CSMD1: variants seen among roughly 807,000 people sequenced by gnomAD.
CSMD1 encodes CUB and Sushi multiple domains 1, also known as CUB and sushi domain-containing protein 1.
A neutral mutation model predicts 417.5 loss-of-function variants in CSMD1; 213 were observed. That is an observed-to-expected ratio of 0.51 (90% CI 0.46 to 0.57). The LOEUF (loss-of-function observed/expected upper bound fraction) is 0.57, where lower values mean the gene tolerates loss of function less well. Among genes scored for constraint, CSMD1 ranks in the 20% least tolerant of loss-of-function variants. The pLI, the probability that CSMD1 is intolerant of heterozygous loss-of-function variation, is 0.00. For synonymous variants in CSMD1, 2,862 were observed against 1,736.8 expected, an observed-to-expected ratio of 1.65 and a Z score of -16.11; for missense variants, 6,923 against 4,529.7, an observed-to-expected ratio of 1.53 and a Z score of -15.17.
intron 37 of CSMD1, among the ~76,000 whole-genome samples, chr8:3,167,168 G>C (rs13279354): frequency 0.32 from 48,586 of 151,602 alleles, 9,307 homozygotes; most frequent in African/African-American, 0.55. Flanking sequence ...GCCTGTAATC[G>C]CAGGTACTTG....
At chr8:3,589,022 C>A (rs1456212626) in intron 8 of CSMD1, among the ~76,000 whole-genome samples, 2 of 152,066 alleles carry the variant, frequency 1.3e-5, no homozygotes, top group African/African-American at 4.8e-5. Context: ...ATTAAAACCA[C>A]AGTGAGATAT....
At chr8:3,704,957 T>C (rs1282658001) in intron 7 of CSMD1, 1 of 152,246 alleles carries the variant, frequency 6.6e-6, no homozygotes, top group African/African-American at 2.4e-5. Flanking sequence ...GTGTTTGTTT[T>C]TACTTTTATT....
At chr8:4,492,199 C>T (rs1301937388) in intron 2 of CSMD1, among the ~76,000 whole-genome samples, 4 of 152,164 alleles carry the variant, frequency 2.6e-5, no homozygotes, top group Non-Finnish European at 5.9e-5. Context: ...AAGGGATCTG[C>T]CCACCTCAGC....
At chr8:4,909,400 T>A (rs890611797) in intron 1 of CSMD1, among the ~76,000 whole-genome samples, 8 of 152,124 alleles carry the variant, frequency 5.3e-5, no homozygotes, top group Non-Finnish European at 8.8e-5. Flanking sequence ...TGACACCCAC[T>A]AAGTATGAAT....
chr8:3,209,571 G>C (rs192571501), intron 30 of CSMD1, among the ~76,000 whole-genome samples: 3 of 151,916 alleles, frequency 2.0e-5, no homozygotes, highest in Non-Finnish European at 4.4e-5. Flanking sequence ...CGCCTGCCTC[G>C]GCCTCCCAAA....
chr8:4,666,134 T>A (rs1056214699), intron 1 of CSMD1, among the ~76,000 whole-genome samples: 35 of 152,258 alleles, frequency 2.3e-4, no homozygotes, highest in African/African-American at 8.4e-4. Flanking sequence ...TCTTCTGATG[T>A]GCCTGTCATA....
intron 51 of CSMD1, among the ~76,000 whole-genome samples, chr8:3,027,099 G>A (rs1428759086): frequency 1.3e-5 from 2 of 151,992 alleles, no homozygotes; most frequent in African/African-American, 2.4e-5. Flanking sequence ...CCCTGTATTA[G>A]TACAATTTAA....
intron 50 of CSMD1, among the ~76,000 whole-genome samples, chr8:3,035,119 A>ACTC (rs1810587156): frequency 3.3e-5 from 5 of 152,092 alleles, no homozygotes; most frequent in Non-Finnish European, 5.9e-5. Flanking sequence ...TTTAAAGAAA[A>ACTC]CACTTGGTTC....
chr8:3,723,451 T>C (rs930316609), intron 6 of CSMD1, among the ~76,000 whole-genome samples: 9 of 152,146 alleles, frequency 5.9e-5, no homozygotes, highest in Non-Finnish European at 1.2e-4. Context: ...AGAGCATAGA[T>C]CATGGGAAAC....
rs117703777 is a variant in CSMD1, at chr8:4,738,516, A to G, written c.86-100958T>C. ...TGGGGAAAATCACCTCCATGATTCA[A>G]TGACATCCACCTGGCCACTCCCATA... On this transcript the variant is annotated intron_variant, in intron 1 of 69. Transcript: ENST00000635120. 2.1e-3 allele frequency among the ~76,000 whole-genome samples: 318 copies of G among 152,246 alleles called. 2 individuals are homozygous for G. Among genetic ancestry groups the G allele is most frequent in the East Asian group, 0.018 (95 of 5,176 alleles).
At chr8:3,765,905 A>T (rs995458437) in intron 5 of CSMD1, among the ~76,000 whole-genome samples, 5 of 152,250 alleles carry the variant, frequency 3.3e-5, no homozygotes, top group African/African-American at 9.6e-5. Flanking sequence ...AGTCCATCTC[A>T]AACATGACAG....
chr8:4,683,037 T>C (rs1806147559), intron 1 of CSMD1, among the ~76,000 whole-genome samples: 1 of 148,134 alleles, frequency 6.8e-6, no homozygotes. Flanking sequence ...TCTTGTGAAA[T>C]ATAAGTATTA....
rs73499643 is a variant in CSMD1 at position 3,478,982 on chromosome 8, C to T, written c.1449-10158G>A. Among the ~76,000 whole-genome samples, 1,059 of 152,098 alleles carry T rather than the reference C, an allele frequency of 7.0e-3. 14 individuals carry two copies. The highest frequency in any genetic ancestry group is 0.025 in the African/African-American group (1,019 of 41,498). ...CTGCAAAGAGTGGTCCCTCCGACCTCCCTCATCGCCTCACCAACATCTCCC... is the reference window on the plus strand; with the variant it reads ...CTGCAAAGAGTGGTCCCTCCGACCTTCCTCATCGCCTCACCAACATCTCCC... On this transcript the variant is annotated intron_variant, in intron 11 of 69. Coordinates refer to ENST00000635120, the MANE Select transcript of CSMD1 (RefSeq NM_033225.6).
chr8:4,378,749 G>C (rs1404272013), intron 3 of CSMD1, among the ~76,000 whole-genome samples: 3 of 152,152 alleles, frequency 2.0e-5, no homozygotes, highest in South Asian at 4.1e-4. Flanking sequence ...GAGATTATGA[G>C]GTTATGAGAG....
intron 30 of CSMD1, among the ~76,000 whole-genome samples, chr8:3,206,403 G>A (rs1563141895): frequency 1.6e-5 from 2 of 128,142 alleles, no homozygotes. Context: ...GTGTGTGGGG[G>A]GTTATGTCTG....
Position 3,335,748 on chromosome 8 carries a change from G to A in CSMD1, c.3631+7546C>T, listed in dbSNP as rs182855376. On this transcript the variant is annotated intron_variant, in intron 23 of 69. Coordinates refer to ENST00000635120, the MANE Select transcript of CSMD1 (RefSeq NM_033225.6). ...GTGTATGGAATGTCACCTAAGAGTAGAGCAGACACAGAGCTGGATGTTCTA... is the reference window on the plus strand; with the variant it reads ...GTGTATGGAATGTCACCTAAGAGTAAAGCAGACACAGAGCTGGATGTTCTA... Among the ~76,000 whole-genome samples the A allele has an allele frequency of 2.6e-5, 4 of 152,292 alleles. No homozygotes were observed. The East Asian group carries it at 5.8e-4, about 22-fold the overall frequency.
chr8:3,786,029 T>A (rs115151640), intron 5 of CSMD1, among the ~76,000 whole-genome samples: 1 of 152,176 alleles, frequency 6.6e-6, no homozygotes, highest in South Asian at 2.1e-4. Context: ...TGAAGAAAAT[T>A]AGAAGGACGG....
At chr8:3,800,757 G>GT (rs1800410990) in intron 5 of CSMD1, among the ~76,000 whole-genome samples, 1 of 152,058 alleles carries the variant, frequency 6.6e-6, no homozygotes, top group African/African-American at 2.4e-5. Flanking sequence ...GAGGTAGTTT[G>GT]TTTTTAAGCA....
At chr8:3,132,349 C>A (rs139663569) in intron 41 of CSMD1, among the ~76,000 whole-genome samples, 1 of 151,334 alleles carries the variant, frequency 6.6e-6, no homozygotes, top group South Asian at 2.1e-4. Flanking sequence ...AATACATAGA[C>A]GGCCTTCAAA....
Sources: allele counts gnomAD v4.1 joint callset (sites outside exome capture counted in the v4.1 genomes callset), GRCh38; gene constraint gnomAD v4.1.1; transcripts MANE v1.5; gene names NCBI Gene and HGNC (gene_info 2026-07-23, HGNC 2026-07-21).